SLC9C1: variants seen among roughly 807,000 people sequenced by gnomAD.
SLC9C1 encodes sodium/hydrogen exchanger 10.
In SLC9C1, 97 loss-of-function variants were observed where a neutral mutation model predicts 140.9. The ratio of observed to expected loss-of-function variants is 0.69; its 90% CI spans 0.58 to 0.82. The LOEUF (loss-of-function observed/expected upper bound fraction) is 0.82. Among genes scored for constraint, SLC9C1 ranks in the 40% least tolerant of loss-of-function variants. The probability of loss-of-function intolerance (pLI) is 0.00; values close to 1 mark genes in which losing one functional copy is unlikely to be tolerated. For synonymous variants in SLC9C1, 440 were observed against 442.6 expected (o/e 0.99, Z 0.07); for missense variants, 1,340 against 1,389.3 (o/e 0.96, Z 0.56).
chr3:112,271,656 T>C (rs1390794328), intron 6 of SLC9C1, among the ~76,000 whole-genome samples: 2 of 152,022 alleles, frequency 1.3e-5, no homozygotes, highest in Non-Finnish European at 1.5e-5. Context: ...GTCAAACATG[T>C]AATAGATTTT....
Position 112,256,277 on chromosome 3 carries a change from A to C in SLC9C1, c.1197+6647T>G, listed in dbSNP as rs1050190247. Among the ~76,000 whole-genome samples, 32 of 152,310 alleles carry C rather than the reference A, an allele frequency of 2.1e-4. 1 individual carries two copies. The highest frequency in any genetic ancestry group is 7.0e-4 in the African/African-American group (29 of 41,562). ...AAACCTGGCAGAGAAACAACAAAAA[A>C]GAAAACTTAAGGCCAATATGCTTGA... On this transcript the variant is annotated intron_variant, in intron 10 of 28. Transcript: ENST00000305815.
rs551055318 is a variant in SLC9C1 at position 112,229,269 on chromosome 3, A to G, written c.1572+2092T>C. Among the ~76,000 whole-genome samples the G allele has an allele frequency of 3.2e-3, 485 of 152,236 alleles. 2 individuals are homozygous for G. Among genetic ancestry groups the G allele is most frequent in the Non-Finnish European group, 5.5e-3 (372 of 67,986 alleles). ...AAATTCTAGTGTTCTACAGCACTGC[A>G]GGGTGATTATAGTAAACACTAATCT... On this transcript the variant is annotated intron_variant, in intron 13 of 28. Coordinates refer to ENST00000305815, the MANE Select transcript of SLC9C1 (RefSeq NM_183061.3).
At chr3:112,186,691 T>A (rs2077547300) in intron 20 of SLC9C1, among the ~76,000 whole-genome samples, 1 of 152,158 alleles carries the variant, frequency 6.6e-6, no homozygotes, top group African/African-American at 2.4e-5. Context: ...ACACACACAA[T>A]CATGTATGAA....
chr3:112,224,445 C>T (rs956584472), intron 13 of SLC9C1, among the ~76,000 whole-genome samples: 4 of 151,950 alleles, frequency 2.6e-5, no homozygotes, highest in African/African-American at 7.2e-5. Context: ...TAAAGGAACA[C>T]AATAGTTCAC....
At chr3:112,212,486 A>C (rs2078236250) in intron 15 of SLC9C1, among the ~76,000 whole-genome samples, 1 of 152,234 alleles carries the variant, frequency 6.6e-6, no homozygotes, top group Non-Finnish European at 1.5e-5. Context: ...GCTAACTAGA[A>C]TAACCAGTGT....
Position 112,264,289 on chromosome 3 carries a change from T to A in SLC9C1, c.933A>T (p.Gly311=). The change falls in exon 9 of 29, where the codon GGA becomes GGT. Residue 311 remains glycine, a synonymous_variant. Transcript: ENST00000305815. ...AATATGTATGTGCAGGAATTAGAAGTCCAAAGAAAGTAAACACCATGAGAA... is the reference window on the plus strand; with the variant it reads ...AATATGTATGTGCAGGAATTAGAAGACCAAAGAAAGTAAACACCATGAGAA... The part of the protein sequence containing the change: ...IAFLMVFTFF[G]LLIPAHTYLY... 1 of 1,485,036 alleles carries A rather than the reference T, an allele frequency of 6.7e-7. No homozygotes were observed. The highest frequency in any genetic ancestry group is 1.5e-5 in the African/African-American group (1 of 68,768). The allele number at this position is 1,485,036 out of a possible 1,614,324, so 92.0% of individuals were successfully genotyped here.
intron 13 of SLC9C1, 146 bp from the exon 14 acceptor site, chr3:112,221,371 T>C (rs2108125465): frequency 1.4e-6 from 1 of 722,666 alleles, no homozygotes; most frequent in Non-Finnish European, 2.2e-6. Flanking sequence ...GAGTTCAGAT[T>C]ATAAGATTAC....
chr3:112,162,303 C>T (rs1473943487), intron 26 of SLC9C1, among the ~76,000 whole-genome samples: 2 of 152,062 alleles, frequency 1.3e-5, no homozygotes, highest in African/African-American at 2.4e-5. Context: ...ACTTCCAACA[C>T]TGTGTTGAAT....
Position 112,169,036 on chromosome 3 carries a change from C to T in SLC9C1, c.3078G>A (p.Lys1026=). 1 of 1,594,708 alleles carries T rather than the reference C, an allele frequency of 6.3e-7. No homozygotes were observed. The highest frequency in any genetic ancestry group is 8.5e-7 in the Non-Finnish European group (1 of 1,174,076). ...TATCTACTACATAAATATTAGAGAGCTTTAGTTGCATATTGTAGTTCCAAT... is the reference window on the plus strand; with the variant it reads ...TATCTACTACATAAATATTAGAGAGTTTTAGTTGCATATTGTAGTTCCAAT... ...YEDWNYNMQL[K]LSNIYVVDIP... The change falls in exon 25 of 29, where the codon AAG becomes AAA. Residue 1026 remains lysine, a synonymous_variant. Coordinates refer to ENST00000305815, the MANE Select transcript of SLC9C1 (RefSeq NM_183061.3).
At chr3:112,176,566 G>C (rs902106426) in intron 23 of SLC9C1, among the ~76,000 whole-genome samples, 5 of 152,138 alleles carry the variant, frequency 3.3e-5, no homozygotes, top group African/African-American at 1.2e-4. Context: ...TTATACTATA[G>C]ATCACAATTT....
intron 22 of SLC9C1, 24 bp downstream of exon 22, chr3:112,180,540 A>ACAAAT (rs752388957): frequency 7.2e-5 from 114 of 1,575,796 alleles, no homozygotes; most frequent in Non-Finnish European, 9.7e-5. Flanking sequence ...AAAAAACAAA[A>ACAAAT]CAAAACAAAA....
At chr3:112,234,214 G>C (rs1332021401) in intron 12 of SLC9C1, among the ~76,000 whole-genome samples, 1 of 152,154 alleles carries the variant, frequency 6.6e-6, no homozygotes, top group African/African-American at 2.4e-5. Flanking sequence ...GTTTTGATTT[G>C]CATTTCTCTG....
chr3:112,141,309 A>C lies in SLC9C1; in HGVS notation c.3525-28T>G, dbSNP rs373733240. ...AATAGAAGCGGAAAGAAAAAACAAA[A>C]ACATAGAGGGCTTTTGAATCTTTCA... On this transcript the variant is annotated intron_variant, in intron 28 of 28. Coordinates refer to ENST00000305815, the MANE Select transcript of SLC9C1 (RefSeq NM_183061.3). 14 of 1,575,344 alleles carry C rather than the reference A, an allele frequency of 8.9e-6. No homozygotes were observed. In the African/African-American group the frequency reaches 1.7e-4, roughly 19 times the overall value.
intron 23 of SLC9C1, among the ~76,000 whole-genome samples, chr3:112,175,011 G>A (rs58430773): frequency 0.012 from 1,756 of 152,282 alleles, 40 homozygotes; most frequent in African/African-American, 0.038. Flanking sequence ...GAGACAGCAA[G>A]GGCAAGGGCT....
intron 2 of SLC9C1, among the ~76,000 whole-genome samples, chr3:112,281,760 T>A (rs903675514): frequency 6.6e-6 from 1 of 152,190 alleles, no homozygotes; most frequent in Non-Finnish European, 1.5e-5. Context: ...AAGAGTAATA[T>A]GAATTTTGCT....
intron 10 of SLC9C1, among the ~76,000 whole-genome samples, chr3:112,261,268 T>C (rs918734805): frequency 6.6e-6 from 1 of 152,120 alleles, no homozygotes; most frequent in Admixed American, 6.6e-5. Flanking sequence ...GACATTGATA[T>C]TTTTCAAAAA....
chr3:112,169,550 C>T (rs1228206391), intron 23 of SLC9C1, among the ~76,000 whole-genome samples: 1 of 152,032 alleles, frequency 6.6e-6, no homozygotes, highest in African/African-American at 2.4e-5. Flanking sequence ...TAAAATGTGG[C>T]TTTATTTCTG....
At chr3:112,162,198 C>T (rs1360785182) in intron 26 of SLC9C1, among the ~76,000 whole-genome samples, 2 of 152,178 alleles carry the variant, frequency 1.3e-5, no homozygotes, top group African/African-American at 4.8e-5. Flanking sequence ...TCTAGATATA[C>T]AATCATGTCA....
intron 6 of SLC9C1, among the ~76,000 whole-genome samples, chr3:112,273,841 A>G (rs1417307251): frequency 6.6e-6 from 1 of 152,168 alleles, no homozygotes; most frequent in Non-Finnish European, 1.5e-5. Context: ...GATACCATAC[A>G]GATCAATGGA....
Sources: allele counts gnomAD v4.1 joint callset (sites outside exome capture counted in the v4.1 genomes callset), GRCh38; gene constraint gnomAD v4.1.1; transcripts MANE v1.5; gene names NCBI Gene and HGNC (gene_info 2026-07-23, HGNC 2026-07-21).